Variants in PTPRD observed in about 807,000 individuals in gnomAD.
The protein encoded by PTPRD is receptor-type tyrosine-protein phosphatase delta.
Under a neutral mutation model 214.5 loss-of-function variants are expected in PTPRD, and 34 were observed. The ratio of observed to expected loss-of-function variants is 0.16; its 90% CI spans 0.12 to 0.21. The LOEUF is 0.21. PTPRD is among the 10% of genes least tolerant of loss of function. The probability of loss-of-function intolerance (pLI) is 1.00; values close to 1 mark genes in which losing one functional copy is unlikely to be tolerated. For synonymous variants in PTPRD, 1,128 were observed against 845.7 expected (o/e 1.33, Z -5.79); for missense variants, 2,545 against 2,398.7 (o/e 1.06, Z -1.27).
intron 10 of PTPRD, among the ~76,000 whole-genome samples, chr9:9,182,763 G>C (rs1482919266): frequency 6.6e-6 from 1 of 151,938 alleles, no homozygotes; most frequent in East Asian, 1.9e-4. Flanking sequence ...AGAACTGAAT[G>C]CATTAAATCA....
intron 5 of PTPRD, among the ~76,000 whole-genome samples, chr9:9,837,862 C>T (rs1170699879): frequency 6.6e-6 from 1 of 152,158 alleles, no homozygotes; most frequent in Non-Finnish European, 1.5e-5. Context: ...TGGTGCGCTG[C>T]ACCCATTAAC....
At chr9:9,377,070 T>A (rs909827408) in intron 9 of PTPRD, among the ~76,000 whole-genome samples, 10 of 152,080 alleles carry the variant, frequency 6.6e-5, no homozygotes, top group African/African-American at 2.2e-4. Context: ...GAATTGATGT[T>A]GGCTATGGCA....
intron 3 of PTPRD, among the ~76,000 whole-genome samples, chr9:10,091,666 T>C (rs1245542736): frequency 1.3e-5 from 2 of 151,468 alleles, no homozygotes; most frequent in Non-Finnish European, 3.0e-5. Context: ...ATTTTTAGAA[T>C]CTTGATTTGG....
intron 4 of PTPRD, among the ~76,000 whole-genome samples, chr9:9,943,690 T>C (rs1157171494): frequency 6.6e-6 from 1 of 152,148 alleles, no homozygotes; most frequent in Non-Finnish European, 1.5e-5. Context: ...TGAATAAGAA[T>C]TTGAAGGAGG....
chr9:9,521,532 G>A (rs890043957), intron 8 of PTPRD, among the ~76,000 whole-genome samples: 12 of 152,106 alleles, frequency 7.9e-5, no homozygotes, highest in Admixed American at 6.5e-5. Flanking sequence ...GCATTGGGAA[G>A]TAGTGCTTCC....
intron 5 of PTPRD, among the ~76,000 whole-genome samples, chr9:9,779,680 G>A (rs1056311761): frequency 7.2e-5 from 11 of 152,124 alleles, no homozygotes; most frequent in Non-Finnish European, 1.3e-4. Flanking sequence ...AGTCAGAATG[G>A]CTATTATTAA....
chr9:8,592,322 C>A (rs542419599), intron 14 of PTPRD, among the ~76,000 whole-genome samples: 1 of 152,114 alleles, frequency 6.6e-6, no homozygotes, highest in African/African-American at 2.4e-5. Context: ...ATCCTTTCCG[C>A]TTTAGCTGAC....
In PTPRD at chr9:10,105,114, C is replaced by T. The variant is rs577423567; in HGVS notation, c.-544-71324G>A. On this transcript the variant is annotated intron_variant, in intron 3 of 45. Coordinates refer to ENST00000381196, the MANE Select transcript of PTPRD (RefSeq NM_002839.4). ...CATAACTCTGAAATAGCATTATTTA[C>T]CTTTGGAATGAGGACTCTTTGAGGA... is the stretch of plus-strand genomic sequence containing the variant. Among the ~76,000 whole-genome samples the T allele has an allele frequency of 7.9e-5, 12 of 151,840 alleles. 1 individual carries two copies. In the South Asian group the frequency reaches 2.5e-3, roughly 31 times the overall value.
At chr9:9,583,272 C>A (rs1049260796) in intron 7 of PTPRD, among the ~76,000 whole-genome samples, 1 of 151,976 alleles carries the variant, frequency 6.6e-6, no homozygotes, top group African/African-American at 2.4e-5. Context: ...GAATTTATGT[C>A]TCTTAACTGA....
chr9:8,516,736 G>A (rs2097787042), intron 21 of PTPRD, among the ~76,000 whole-genome samples: 1 of 150,678 alleles, frequency 6.6e-6, no homozygotes, highest in Non-Finnish European at 1.5e-5. Context: ...ATTAATGCAG[G>A]TTTAAAAGAT....
At chr9:8,831,868 CACA>C (rs1157423864) in intron 11 of PTPRD, among the ~76,000 whole-genome samples, 3 of 151,890 alleles carry the variant, frequency 2.0e-5, no homozygotes, top group East Asian at 3.9e-4. Flanking sequence ...GCTTCCAAAT[CACA>C]ACGTTTTATG....
chr9:10,563,807 TATATC>T (rs1696367098), intron 2 of PTPRD, among the ~76,000 whole-genome samples: 2 of 152,070 alleles, frequency 1.3e-5, no homozygotes, highest in Non-Finnish European at 1.5e-5. Context: ...GTAACTGTAT[TATATC>T]ATATATAGAG....
chr9:9,705,222 T>G lies in PTPRD; in HGVS notation c.-287+29311A>C, dbSNP rs1182763793. Among the ~76,000 whole-genome samples, 3 of 152,292 alleles carry G rather than the reference T, an allele frequency of 2.0e-5. No homozygotes were observed. The East Asian group carries it at 5.8e-4, about 29-fold the overall frequency. ...ATAATATTTCATAATGGTTCCCTTA[T>G]TCTCATGCCAGTGGTTTTGTGGTGC... On this transcript the variant is annotated intron_variant, in intron 7 of 45. Transcript: ENST00000381196.
rs1389217174 is a variant in PTPRD, at chr9:10,372,912, C to T, written c.-599-31895G>A. Among the ~76,000 whole-genome samples, 9 of 150,542 alleles carry T rather than the reference C, an allele frequency of 6.0e-5. No homozygotes were observed. The East Asian group carries it at 1.4e-3, about 23-fold the overall frequency. ...TCACCCAGGTTGGAGTGCAGTGGTG[C>T]GATCTTGGCTTCCGAGTTCAAGCAA... On this transcript the variant is annotated intron_variant, in intron 2 of 45. Transcript: ENST00000381196.
At chr9:10,027,318 C>G (rs928248233) in intron 4 of PTPRD, among the ~76,000 whole-genome samples, 1 of 152,166 alleles carries the variant, frequency 6.6e-6, no homozygotes, top group South Asian at 2.1e-4. Flanking sequence ...GATAAAAGCA[C>G]AGGCAATAAA....
intron 44 of PTPRD, among the ~76,000 whole-genome samples, chr9:8,331,117 G>C (rs115365456): frequency 3.9e-5 from 6 of 151,968 alleles, no homozygotes; most frequent in African/African-American, 1.5e-4. Context: ...CAAGCAAATT[G>C]CATTTTTTAA....
chr9:8,510,940 C>G (rs1330921191), intron 21 of PTPRD, among the ~76,000 whole-genome samples: 1 of 151,988 alleles, frequency 6.6e-6, no homozygotes, highest in Non-Finnish European at 1.5e-5. Flanking sequence ...CATTATCTGT[C>G]TATTGAATTT....
intron 36 of PTPRD, among the ~76,000 whole-genome samples, chr9:8,402,249 A>G (rs2092487772): frequency 6.6e-6 from 1 of 152,214 alleles, no homozygotes; most frequent in Non-Finnish European, 1.5e-5. Context: ...TGAACACAGC[A>G]CTATAAAAAG....
chr9:10,390,264 A>C (rs1034572318), intron 2 of PTPRD, among the ~76,000 whole-genome samples: 15 of 151,966 alleles, frequency 9.9e-5, no homozygotes, highest in African/African-American at 3.1e-4. Context: ...ATGTGGTCTT[A>C]GACTCTGCCA....
Sources: gnomAD v4.1 joint callset for allele counts (sites outside exome capture counted in the v4.1 genomes callset) on GRCh38, gnomAD v4.1.1 for gene constraint, MANE v1.5 for transcripts, NCBI Gene and HGNC (gene_info 2026-07-23, HGNC 2026-07-21) for gene names.